The following CDK5RAP2 variants were observed in gnomAD, a reference collection of about 807,000 sequenced individuals.
CDK5RAP2 encodes CDK5 regulatory subunit associated protein 2.
A neutral mutation model predicts 232.9 loss-of-function variants in CDK5RAP2; 147 were observed. The ratio of observed to expected loss-of-function variants is 0.63; its 90% CI spans 0.55 to 0.72. The LOEUF is 0.72. Among genes scored for constraint, CDK5RAP2 ranks in the 30% least tolerant of loss-of-function variants. CDK5RAP2 has a pLI of 0.00. For missense variants in CDK5RAP2, 2,195 were observed against 2,231.5 expected (o/e 0.98, Z 0.33); for synonymous variants, 833 against 833.7 (o/e 1.00, Z 0.01).
At position 120,415,141 on chromosome 9, in the gene CDK5RAP2, A is replaced by G. The variant is rs374338760; in HGVS notation, c.4196T>C (p.Ile1399Thr). 2 of 1,614,108 alleles carry G rather than the reference A, an allele frequency of 1.2e-6. No homozygotes were observed. The highest frequency in any genetic ancestry group is 1.3e-5 in the African/African-American group (1 of 75,050). The change falls in exon 28 of 38, where the codon ATA (isoleucine) becomes ACA (threonine). Residue 1399 changes from isoleucine to threonine, a missense_variant. Coordinates refer to ENST00000349780, the MANE Select transcript of CDK5RAP2 (RefSeq NM_018249.6). ...SFSQDLLMEHIQEIRTLRKRL... is the reference protein window; with the variant it reads ...SFSQDLLMEHTQEIRTLRKRL... ...CTTTCTCAAAGTTCGAATTTCCTGT[A>G]TGTGTTCCATTAGTAAGTCTACAGG...
intron 12 of CDK5RAP2, among the ~76,000 whole-genome samples, chr9:120,503,131 G>A (rs144658503): frequency 1.3e-5 from 2 of 152,212 alleles, no homozygotes; most frequent in East Asian, 3.9e-4. Context: ...CTATTGTTAA[G>A]GCTAAAGAAA....
chr9:120,523,160 C>T (rs2040747225), intron 11 of CDK5RAP2, among the ~76,000 whole-genome samples: 1 of 152,210 alleles, frequency 6.6e-6, no homozygotes, highest in African/African-American at 2.4e-5. Flanking sequence ...TTGACCAACA[C>T]TGTACATTGT....
At chr9:120,404,561 A>C (rs1435403917) in intron 32 of CDK5RAP2, among the ~76,000 whole-genome samples, 1 of 152,214 alleles carries the variant, frequency 6.6e-6, no homozygotes, top group Non-Finnish European at 1.5e-5. Context: ...CAGTGGGACA[A>C]AGAGTGGAAT....
intron 35 of CDK5RAP2, among the ~76,000 whole-genome samples, chr9:120,398,295 T>TA (rs1206126281): frequency 6.6e-6 from 1 of 152,176 alleles, no homozygotes; most frequent in Non-Finnish European, 1.5e-5. Context: ...TTCCTTACAG[T>TA]AAAAAATCAG....
chr9:120,544,904 C>T (rs777819714), intron 5 of CDK5RAP2, among the ~76,000 whole-genome samples: 5 of 152,078 alleles, frequency 3.3e-5, no homozygotes, highest in Non-Finnish European at 7.4e-5. Flanking sequence ...TTCAGATCTT[C>T]GGGCAGATGT....
intron 26 of CDK5RAP2, 118 bp downstream of exon 26, chr9:120,422,575 A>T: frequency 2.5e-6 from 2 of 787,050 alleles, no homozygotes; most frequent in South Asian, 2.8e-5. Flanking sequence ...TTTATACCTT[A>T]TTTACAAGAA....
chr9:120,476,410 T>G (rs1304259239), intron 15 of CDK5RAP2, among the ~76,000 whole-genome samples: 1 of 152,048 alleles, frequency 6.6e-6, no homozygotes, highest in East Asian at 1.9e-4. Context: ...TAGAGAGAGG[T>G]GACCAACACT....
intron 20 of CDK5RAP2, among the ~76,000 whole-genome samples, 188 bp downstream of exon 20, chr9:120,458,262 C>T (rs537002807): frequency 6.6e-5 from 10 of 152,190 alleles, no homozygotes; most frequent in Admixed American, 5.2e-4. Context: ...GCTTTGCTGA[C>T]GTCCCCTCAC....
chr9:120,457,198 A>G lies in CDK5RAP2; in HGVS notation c.2375+1252T>C, dbSNP rs553316992. 2.0e-5 allele frequency among the ~76,000 whole-genome samples: 3 copies of G among 152,310 alleles called. No individual in the cohort carries two copies. In the South Asian group the frequency reaches 6.2e-4, roughly 32 times the overall value. ...TCAGGATCCCCCAACCAAGTGTCAG[A>G]GCAAAGATGAGATTCCAGACCTTTC... On this transcript the variant is annotated intron_variant, in intron 20 of 37. Transcript: ENST00000349780.
intron 15 of CDK5RAP2, among the ~76,000 whole-genome samples, chr9:120,475,962 A>G (rs1177685777): frequency 6.6e-6 from 1 of 152,172 alleles, no homozygotes; most frequent in African/African-American, 2.4e-5. Flanking sequence ...CAGAGAGGCA[A>G]CTGTTTTGGG....
chr9:120,478,876 T>C (rs1280406494), intron 14 of CDK5RAP2, among the ~76,000 whole-genome samples: 1 of 152,228 alleles, frequency 6.6e-6, no homozygotes, highest in East Asian at 1.9e-4. Flanking sequence ...AAGGTAACAA[T>C]GTGAGATGAT....
Position 120,403,129 on chromosome 9 carries a change from C to A in CDK5RAP2, c.5042-58G>T. On this transcript the variant is annotated intron_variant, in intron 33 of 37. Coordinates refer to ENST00000349780, the MANE Select transcript of CDK5RAP2 (RefSeq NM_018249.6). This position sits in a 1 kb window ranked among gnomAD's most constrained non-coding sequence, Gnocchi z 4.2. The stretch of plus-strand genomic sequence containing the variant: ...TTCAGGTAACACTCTGCGTTCAAGA[C>A]GCTTATGATGTTGAAGCTAGCTAGG... The A allele has an allele frequency of 6.3e-7, 1 of 1,578,820 alleles. No individual in the cohort carries two copies. Among genetic ancestry groups the A allele is most frequent in the Non-Finnish European group, 8.7e-7 (1 of 1,149,172 alleles).
At chr9:120,523,088 G>T (rs1260071393) in intron 11 of CDK5RAP2, among the ~76,000 whole-genome samples, 2 of 152,206 alleles carry the variant, frequency 1.3e-5, no homozygotes, top group Non-Finnish European at 2.9e-5. Context: ...AAGCCAACCT[G>T]ACATGTATAA....
chr9:120,578,745 T>A (rs575452309), intron 1 of CDK5RAP2, among the ~76,000 whole-genome samples: 9 of 152,086 alleles, frequency 5.9e-5, no homozygotes, highest in African/African-American at 1.7e-4. Flanking sequence ...CTTTGTAGTT[T>A]TTGTAGAGAT....
chr9:120,399,012 C>A (rs1331426181), intron 35 of CDK5RAP2, among the ~76,000 whole-genome samples: 4 of 152,190 alleles, frequency 2.6e-5, no homozygotes, highest in Admixed American at 2.6e-4. Context: ...TAACACTACA[C>A]AGGGGGTATG....
intron 3 of CDK5RAP2, among the ~76,000 whole-genome samples, chr9:120,562,338 G>A (rs536159755): frequency 2.0e-5 from 3 of 152,222 alleles, no homozygotes; most frequent in South Asian, 2.1e-4. Context: ...CAGGACATGC[G>A]AGGTACGGGA....
rs772417533 is a variant in CDK5RAP2, at chr9:120,394,656, T to C, written c.5452-18A>G. ...TCTCCAATCTAAAGAGAAGAGAAAT[T>C]AGAAAAATGAACAAAGAACATAAAC... On this transcript the variant is annotated intron_variant, in intron 35 of 37. Coordinates refer to ENST00000349780, the MANE Select transcript of CDK5RAP2 (RefSeq NM_018249.6). 1.1e-5 allele frequency: 17 copies of C among 1,573,946 alleles called. No homozygotes were observed. In the South Asian group the frequency reaches 1.4e-4, roughly 13 times the overall value.
chr9:120,527,640 A>G (rs2040963684), intron 10 of CDK5RAP2, among the ~76,000 whole-genome samples, 166 bp downstream of exon 10: 1 of 152,212 alleles, frequency 6.6e-6, no homozygotes, highest in Admixed American at 6.5e-5. Context: ...GCACTGGATT[A>G]GACACTCCAA....
At chr9:120,559,411 T>C (rs1212102423) in intron 3 of CDK5RAP2, among the ~76,000 whole-genome samples, 1 of 139,276 alleles carries the variant, frequency 7.2e-6, no homozygotes, top group Non-Finnish European at 1.5e-5. Flanking sequence ...GGCATGAACC[T>C]GGGAAGCAGA....
Sources: gnomAD v4.1 joint callset for allele counts (sites outside exome capture counted in the v4.1 genomes callset) on GRCh38, gnomAD v4.1.1 for gene constraint, Gnocchi (gnomAD v3.1) non-coding constraint, MANE v1.5 for transcripts, NCBI Gene and HGNC (gene_info 2026-07-23, HGNC 2026-07-21) for gene names.